The following MSRB3 variants were observed in gnomAD, a reference collection of about 807,000 sequenced individuals.
MSRB3 encodes the protein methionine sulfoxide reductase B3, also known as methionine-R-sulfoxide reductase B3.
In MSRB3, 13 loss-of-function variants were observed where a neutral mutation model predicts 21.0. The ratio of observed to expected loss-of-function variants is 0.62; its 90% confidence interval spans 0.40 to 0.98. The LOEUF (loss-of-function observed/expected upper bound fraction) is 0.98. Among genes scored for constraint, MSRB3 ranks in the 50% least tolerant of loss-of-function variants. The pLI, the probability that MSRB3 is intolerant of heterozygous loss-of-function variation, is 0.00. For synonymous variants in MSRB3, 87 were observed against 88.6 expected, an observed-to-expected ratio of 0.98 and a Z score of 0.10; for missense variants, 199 against 230.3, an observed-to-expected ratio of 0.86 and a Z score of 0.88.
intron 5 of MSRB3, among the ~76,000 whole-genome samples, chr12:65,388,247 G>A (rs1449926060): frequency 6.6e-6 from 1 of 152,124 alleles, no homozygotes; most frequent in Admixed American, 6.6e-5. Context: ...AGAAAATGAC[G>A]TTGTGTTTGG....
At chr12:65,343,586 C>T (rs1876283143) in intron 4 of MSRB3, among the ~76,000 whole-genome samples, 1 of 151,922 alleles carries the variant, frequency 6.6e-6, no homozygotes, top group Admixed American at 6.6e-5. Flanking sequence ...GAGAAATTAC[C>T]ATGCATTTTG....
At chr12:65,400,589 G>T (rs1302306537) in intron 5 of MSRB3, among the ~76,000 whole-genome samples, 2 of 151,966 alleles carry the variant, frequency 1.3e-5, no homozygotes, top group South Asian at 2.1e-4. Context: ...TTTTTGAAGG[G>T]TTTTTTGTGT....
At chr12:65,344,781 A>G (rs1053825491) in intron 4 of MSRB3, among the ~76,000 whole-genome samples, 4 of 152,068 alleles carry the variant, frequency 2.6e-5, no homozygotes, top group African/African-American at 9.7e-5. Context: ...AGACAATGGA[A>G]GAGAACTGAA....
At chr12:65,452,835 A>G (rs1450316014) in intron 5 of MSRB3, among the ~76,000 whole-genome samples, 1 of 152,196 alleles carries the variant, frequency 6.6e-6, no homozygotes, top group African/African-American at 2.4e-5. Context: ...AAAAGAAAAA[A>G]AAATTGCACC....
In MSRB3 at chr12:65,357,541, GC is replaced by G. The variant is rs145781344; in HGVS notation, c.264-11454del. 7.7e-3 allele frequency among the ~76,000 whole-genome samples: 1,173 copies of G among 152,016 alleles called. 15 individuals carry two copies. Among genetic ancestry groups the G allele is most frequent in the African/African-American group, 0.027 (1,137 of 41,492 alleles). ...TATTGGTACGTAATTATTAACTAAA[GC>G]CCATTTTTTTCATACTTTCTTAGTT... is the stretch of plus-strand genomic sequence containing the variant. On this transcript the variant is annotated intron_variant, in intron 4 of 6. Transcript: ENST00000308259.
At chr12:65,319,613 G>C (rs947351469) in intron 2 of MSRB3, among the ~76,000 whole-genome samples, 1 of 152,026 alleles carries the variant, frequency 6.6e-6, no homozygotes, top group Non-Finnish European at 1.5e-5. Flanking sequence ...CCTAGAGCAG[G>C]AACACTACCT....
rs201681440 is a variant in MSRB3, at chr12:65,463,135, G to A, written c.391-20G>A. 14 of 1,613,754 alleles carry A rather than the reference G, an allele frequency of 8.7e-6. No individual in the cohort carries two copies. Among genetic ancestry groups the A allele is most frequent in the African/African-American group, 4.0e-5 (3 of 75,008 alleles). On this transcript the variant is annotated intron_variant, in intron 6 of 6. Transcript: ENST00000308259. ...TGCTTTGTACATGCTTTTCCCTGAC[G>A]TTTTGTTCTTCTCTTTCAGTGTGGT... is the stretch of plus-strand genomic sequence containing the variant.
Position 65,328,538 on chromosome 12 carries a change from A to T in MSRB3, c.198A>T (p.Gly66=). 2 of 1,609,776 alleles carry T rather than the reference A, an allele frequency of 1.2e-6. No individual in the cohort carries two copies. Among genetic ancestry groups the T allele is most frequent in the Non-Finnish European group, 1.7e-6 (2 of 1,176,346 alleles). The change falls in exon 4 of 7, where the codon GGA becomes GGT. Residue 66 remains glycine, a synonymous_variant. Coordinates refer to ENST00000308259, the MANE Select transcript of MSRB3 (RefSeq NM_001031679.3). Reference sequence around the variant, plus strand: ...GTTTATTTATCAGTGCCTTTGAAGGAGAATACACACATCACAAAGATCCTG... The same window carrying T: ...GTTTATTTATCAGTGCCTTTGAAGGTGAATACACACATCACAAAGATCCTG... ...QEKGTESAFE[G]EYTHHKDPGI...
intron 5 of MSRB3, among the ~76,000 whole-genome samples, chr12:65,405,422 C>CATAT (rs141249614): frequency 6.7e-6 from 1 of 149,768 alleles, no homozygotes; most frequent in African/African-American, 2.4e-5. Flanking sequence ...AGTATTCTAT[C>CATAT]ATATATATAT....
At chr12:65,283,853 T>C (rs1337710509) in intron 1 of MSRB3, 6 of 152,326 alleles carry the variant, frequency 3.9e-5, no homozygotes, top group African/African-American at 1.4e-4. Context: ...AAATTGGAGT[T>C]CAATCACTCT....
rs993291897 is a variant in MSRB3, at chr12:65,463,915, G to A, written c.*593G>A. ...GTTGCCAGATCCAAAGGGGCATACT[G>A]AGTGTTGTGGCAGAGAAGTAAACAT... On this transcript the variant is annotated 3_prime_UTR_variant, in exon 7 of 7. Coordinates refer to ENST00000308259, the MANE Select transcript of MSRB3 (RefSeq NM_001031679.3). The A allele has an allele frequency of 6.5e-6, 1 of 153,986 alleles. No individual in the cohort carries two copies. The highest frequency in any genetic ancestry group is 1.4e-5 in the Non-Finnish European group (1 of 69,408). 9.5% of individuals were successfully genotyped at this position (153,986 alleles called of 1,614,324 possible). A position where few individuals can be genotyped will look rare whatever the true frequency, so the allele number is the denominator to read the frequency against.
At position 65,300,209 on chromosome 12, in the gene MSRB3, C is replaced by A. The variant is rs141033310; in HGVS notation, c.-51-8320C>A. On this transcript the variant is annotated intron_variant, in intron 1 of 6. Transcript: ENST00000308259. ...TCTTCACATCGTCATTTTATTGTGA[C>A]CAGAAGCTACTCAGTCACTTTTGCA... 7.6e-3 allele frequency among the ~76,000 whole-genome samples: 1,161 copies of A among 152,256 alleles called. 8 individuals are homozygous for A. Among genetic ancestry groups the A allele is most frequent in the South Asian group, 0.025 (123 of 4,828 alleles).
At chr12:65,295,681 A>C (rs1872925557) in intron 1 of MSRB3, among the ~76,000 whole-genome samples, 1 of 152,178 alleles carries the variant, frequency 6.6e-6, no homozygotes, top group South Asian at 2.1e-4. Flanking sequence ...AATTAATAGG[A>C]GGATTACAAA....
chr12:65,408,579 C>T (rs1417184812), intron 5 of MSRB3, among the ~76,000 whole-genome samples: 1 of 152,140 alleles, frequency 6.6e-6, no homozygotes, highest in African/African-American at 2.4e-5. Context: ...TGTTATTATA[C>T]AGGAGCCCTT....
At chr12:65,347,523 A>T (rs898012782) in intron 4 of MSRB3, among the ~76,000 whole-genome samples, 1 of 152,148 alleles carries the variant, frequency 6.6e-6, no homozygotes, top group African/African-American at 2.4e-5. Flanking sequence ...CAATCATGTC[A>T]TCTGCAAACA....
At chr12:65,406,998 T>G (rs1056429761) in intron 5 of MSRB3, among the ~76,000 whole-genome samples, 1 of 152,188 alleles carries the variant, frequency 6.6e-6, no homozygotes, top group Non-Finnish European at 1.5e-5. Flanking sequence ...TGTGAGAAAT[T>G]AATTTCTGTT....
chr12:65,396,704 A>AAAAGAAAGAAAGAAAGAAAGAAAGAAAG (rs752672139), intron 5 of MSRB3, among the ~76,000 whole-genome samples: 150 of 54,032 alleles, frequency 2.8e-3, no homozygotes, highest in East Asian at 7.9e-3. Context: ...AAAAAAAAAA[A>AAAAGAAAGAAAGAAAGAAAGAAAGAAAG]AAAGAAAGAA....
At position 65,463,376 on chromosome 12, in the gene MSRB3, A is replaced by G; in HGVS notation, c.*54A>G. The G allele has an allele frequency of 6.3e-7, 1 of 1,594,774 alleles. No homozygotes were observed. Among genetic ancestry groups the G allele is most frequent in the Non-Finnish European group, 8.6e-7 (1 of 1,167,538 alleles). On this transcript the variant is annotated 3_prime_UTR_variant, in exon 7 of 7. Coordinates refer to ENST00000308259, the MANE Select transcript of MSRB3 (RefSeq NM_001031679.3). Reference sequence around the variant, plus strand: ...TACTTAATGCACAGCTTATTAAAAAAATCAAAATTGTTATCTTAATAGATA... The same window carrying G: ...TACTTAATGCACAGCTTATTAAAAAGATCAAAATTGTTATCTTAATAGATA...
chr12:65,350,563 A>T (rs1019751300), intron 4 of MSRB3, among the ~76,000 whole-genome samples: 1 of 151,008 alleles, frequency 6.6e-6, no homozygotes, highest in African/African-American at 2.5e-5. Context: ...TATTCAGGAA[A>T]CCCATCTCAC....
Sources: gnomAD v4.1 joint callset for allele counts (sites outside exome capture counted in the v4.1 genomes callset) on GRCh38, gnomAD v4.1.1 for gene constraint, MANE v1.5 for transcripts, NCBI Gene and HGNC (gene_info 2026-07-23, HGNC 2026-07-21) for gene names.